TMEM87B: variants seen among roughly 807,000 people sequenced by gnomAD.
TMEM87B encodes the protein transmembrane protein 87B.
In TMEM87B, 83 loss-of-function variants were observed where a neutral mutation model predicts 80.3. The observed-to-expected ratio is 1.03, with a 90% CI of 0.87 to 1.24. The LOEUF (loss-of-function observed/expected upper bound fraction) is 1.24. Ranked by LOEUF, TMEM87B falls within the 50% of genes most tolerant of loss-of-function variation. TMEM87B has a pLI of 0.00. For synonymous variants in TMEM87B, 219 were observed against 230.5 expected (o/e 0.95, Z 0.45); for missense variants, 625 against 674.4 (o/e 0.93, Z 0.81).
intron 17 of TMEM87B, 25 bp from the exon 18 acceptor site, chr2:112,112,874 C>T (rs780097947): frequency 1.1e-5 from 18 of 1,610,394 alleles, no homozygotes; most frequent in Non-Finnish European, 1.5e-5. Context: ...ACAACATTAT[C>T]ACCTTTTTTT....
intron 18 of TMEM87B, 142 bp downstream of exon 18, chr2:112,113,071 T>C: frequency 1.3e-6 from 1 of 754,094 alleles, no homozygotes; most frequent in Non-Finnish European, 2.1e-6. Flanking sequence ...GATTTGTGGG[T>C]AAAGTTGAAA....
At chr2:112,099,706 T>A (rs1679576793) in intron 14 of TMEM87B, among the ~76,000 whole-genome samples, 1 of 150,786 alleles carries the variant, frequency 6.6e-6, no homozygotes, top group Admixed American at 6.6e-5. Context: ...CAAAACCCTC[T>A]TTCTACAAAA....
rs186665145 is a variant in TMEM87B, at chr2:112,078,281, C to T, written c.592+999C>T. ...TATTTCCCCACAGTTCTTGAGGCTGCGATGTCTAAGATCAAGGTGCCACCA... is the reference window on the plus strand; with the variant it reads ...TATTTCCCCACAGTTCTTGAGGCTGTGATGTCTAAGATCAAGGTGCCACCA... On this transcript the variant is annotated intron_variant, in intron 6 of 18. Transcript: ENST00000283206. 7.4e-4 allele frequency among the ~76,000 whole-genome samples: 113 copies of T among 152,260 alleles called. 1 individual carries two copies. The Middle Eastern group carries it at 0.01, about 14-fold the overall frequency.
chr2:112,067,598 C>CA (rs1009920776), intron 4 of TMEM87B, among the ~76,000 whole-genome samples: 3 of 150,762 alleles, frequency 2.0e-5, no homozygotes, highest in Non-Finnish European at 3.0e-5. Flanking sequence ...GACTCCGTCT[C>CA]AAAAAAAAAG....
chr2:112,100,732 C>A, intron 15 of TMEM87B, 37 bp downstream of exon 15: 1 of 1,301,462 alleles, frequency 7.7e-7, no homozygotes, highest in Non-Finnish European at 1.1e-6. Flanking sequence ...GACCATTGTA[C>A]ATATTGCAAC....
At chr2:112,105,713 A>G (rs1038065348) in intron 15 of TMEM87B, among the ~76,000 whole-genome samples, 4 of 152,244 alleles carry the variant, frequency 2.6e-5, no homozygotes, top group African/African-American at 9.6e-5. Context: ...AATAATTGCA[A>G]TTAAGGAAAT....
At chr2:112,081,552 A>T (rs1181133914) in intron 8 of TMEM87B, 34 bp downstream of exon 8, 1 of 1,560,964 alleles carries the variant, frequency 6.4e-7, no homozygotes. Flanking sequence ...ATATAGTATG[A>T]TCTAAGAGTT....
chr2:112,073,713 A>G (rs779523765), intron 4 of TMEM87B, among the ~76,000 whole-genome samples: 1 of 152,084 alleles, frequency 6.6e-6, no homozygotes, highest in Non-Finnish European at 1.5e-5. Flanking sequence ...TCTCACTATT[A>G]TTGTGTGGGA....
Position 112,116,686 on chromosome 2 carries a change from T to C in TMEM87B, c.*543T>C, listed in dbSNP as rs1680033775. 6.6e-6 allele frequency: 1 copy of C among 152,126 alleles called. No individual in the cohort carries two copies. Among genetic ancestry groups the C allele is most frequent in the African/African-American group, 2.4e-5 (1 of 41,406 alleles). The allele number at this position is 152,126 out of a possible 1,614,324, so 9.4% of individuals were successfully genotyped here. Reference sequence around the variant, plus strand: ...AATATAGGCATATTTATAGGTTTTTTCCGCTCCCCCCCAACCCACCCTTTT... The same window carrying C: ...AATATAGGCATATTTATAGGTTTTTCCCGCTCCCCCCCAACCCACCCTTTT... On this transcript the variant is annotated 3_prime_UTR_variant, in exon 19 of 19. Transcript: ENST00000283206.
chr2:112,099,743 G>A (rs1679578100), intron 14 of TMEM87B, among the ~76,000 whole-genome samples: 1 of 150,860 alleles, frequency 6.6e-6, no homozygotes. Flanking sequence ...CAGGTGCGGT[G>A]GTATGTGCCT....
At chr2:112,089,324 A>G (rs996970400) in intron 9 of TMEM87B, among the ~76,000 whole-genome samples, 11 of 152,234 alleles carry the variant, frequency 7.2e-5, no homozygotes, top group African/African-American at 1.4e-4. Flanking sequence ...CTTCCATTCT[A>G]TAGAAACAGT....
chr2:112,106,114 TTAGTCTTCAC>T, intron 16 of TMEM87B, 39 bp downstream of exon 16: 1 of 1,345,698 alleles, frequency 7.4e-7, no homozygotes, highest in Non-Finnish European at 1.0e-6. Flanking sequence ...TTAGTCTTCC[TTAGTCTTCAC>T]TACTTTAGAG....
At chr2:112,061,994 G>C (rs1444871516) in intron 2 of TMEM87B, among the ~76,000 whole-genome samples, 2 of 152,198 alleles carry the variant, frequency 1.3e-5, no homozygotes, top group Non-Finnish European at 2.9e-5. Flanking sequence ...ATCCGTATTG[G>C]GCCTCCAGGG....
chr2:112,093,164 T>C (rs1219422322), intron 11 of TMEM87B, among the ~76,000 whole-genome samples: 1 of 152,250 alleles, frequency 6.6e-6, no homozygotes, highest in Non-Finnish European at 1.5e-5. Context: ...TGCTGGCAAA[T>C]GTAGCACTCC....
rs563852589 is a variant in TMEM87B at position 112,056,206 on chromosome 2, A to C, written c.165+450A>C. Among the ~76,000 whole-genome samples, 483 of 147,172 alleles carry C rather than the reference A, an allele frequency of 3.3e-3. 2 individuals are homozygous for C. Among genetic ancestry groups the C allele is most frequent in the African/African-American group, 0.011 (468 of 41,158 alleles). ...GCTTCAGTTTCTGCATAAACTTAGAAAGCGGGTCTGCCGCTTCCTTAAAAA... is the reference window on the plus strand; with the variant it reads ...GCTTCAGTTTCTGCATAAACTTAGACAGCGGGTCTGCCGCTTCCTTAAAAA... On this transcript the variant is annotated intron_variant, in intron 1 of 18. Coordinates refer to ENST00000283206, the MANE Select transcript of TMEM87B (RefSeq NM_032824.3).
At chr2:112,107,192 T>C (rs771458730) in intron 16 of TMEM87B, among the ~76,000 whole-genome samples, 1 of 152,018 alleles carries the variant, frequency 6.6e-6, no homozygotes, top group Non-Finnish European at 1.5e-5. Flanking sequence ...ACCCCATCTC[T>C]ACTAAAATTA....
At chr2:112,058,298 G>A (rs974536434) in intron 1 of TMEM87B, among the ~76,000 whole-genome samples, 1 of 152,230 alleles carries the variant, frequency 6.6e-6, no homozygotes, top group South Asian at 2.1e-4. Context: ...TTGAGCCTGA[G>A]GCCAGAGGCC....
At chr2:112,065,964 A>G (rs140524493) in intron 3 of TMEM87B, among the ~76,000 whole-genome samples, 207 of 152,260 alleles carry the variant, frequency 1.4e-3, no homozygotes, top group Non-Finnish European at 2.6e-3. Context: ...CAGAATACTG[A>G]TTTGTCTCAT....
At chr2:112,060,203 G>C (rs559848536) in intron 2 of TMEM87B, among the ~76,000 whole-genome samples, 166 bp downstream of exon 2, 2 of 152,120 alleles carry the variant, frequency 1.3e-5, no homozygotes, top group South Asian at 2.1e-4. Context: ...AAAAAAGTTA[G>C]CTGGGCATGG....
Sources: allele counts gnomAD v4.1 joint callset (sites outside exome capture counted in the v4.1 genomes callset), GRCh38; gene constraint gnomAD v4.1.1; transcripts MANE v1.5; gene names NCBI Gene and HGNC (gene_info 2026-07-23, HGNC 2026-07-21).